LMTK2: variants seen among roughly 807,000 people sequenced by gnomAD.
LMTK2 encodes the protein lemur tail kinase 2.
Under a neutral mutation model 127.5 loss-of-function variants are expected in LMTK2, and 37 were observed. That is an observed-to-expected ratio of 0.29 (90% CI 0.22 to 0.38). The LOEUF (loss-of-function observed/expected upper bound fraction) is 0.38. Among genes scored for constraint, LMTK2 ranks in the 10% least tolerant of loss-of-function variants. LMTK2 has a pLI of 1.00. For synonymous variants in LMTK2, 819 were observed against 810.1 expected (o/e 1.01, Z -0.19); for missense variants, 1,694 against 1,920.3 (o/e 0.88, Z 2.20).
At chr7:98,187,673 G>A (rs118053463) in intron 9 of LMTK2, among the ~76,000 whole-genome samples, 41 of 125,728 alleles carry the variant, frequency 3.3e-4, no homozygotes, top group African/African-American at 1.0e-3. Context: ...GTGTAGTCTC[G>A]GCTCACGGCT....
chr7:98,198,933 T>A (rs1041866326), intron 11 of LMTK2, among the ~76,000 whole-genome samples: 10 of 152,154 alleles, frequency 6.6e-5, no homozygotes, highest in Non-Finnish European at 1.2e-4. Context: ...ACAAGTATAG[T>A]TTAATATATT....
intron 1 of LMTK2, among the ~76,000 whole-genome samples, chr7:98,114,796 A>G (rs1461651323): frequency 6.6e-6 from 1 of 151,730 alleles, no homozygotes; most frequent in Non-Finnish European, 1.5e-5. Flanking sequence ...CTCTCCATAT[A>G]TTCTCCCTGT....
chr7:98,175,035 A>G (rs1183926925), intron 7 of LMTK2, among the ~76,000 whole-genome samples: 2 of 152,182 alleles, frequency 1.3e-5, no homozygotes, highest in Non-Finnish European at 2.9e-5. Context: ...GGCAGGTGCC[A>G]TTATTCATCC....
At chr7:98,205,312 G>T in intron 13 of LMTK2, 152 bp from the exon 14 acceptor site, 1 of 868,168 alleles carries the variant, frequency 1.2e-6, no homozygotes, top group South Asian at 1.6e-5. Context: ...GGCTGCTTCC[G>T]AAGGAAAGGA....
chr7:98,205,721 T>G lies in LMTK2; in HGVS notation c.*229T>G, dbSNP rs1238085257. On this transcript the variant is annotated 3_prime_UTR_variant, in exon 14 of 14. Transcript: ENST00000297293. ...GGAGCCGGCGTCCCTCAGTGCCCCG[T>G]GCACCCGCGGCCGCGGCCTCCCAGG... is the stretch of plus-strand genomic sequence containing the variant. 29 of 590,388 alleles carry G rather than the reference T, an allele frequency of 4.9e-5. No individual in the cohort carries two copies. The East Asian group carries it at 8.2e-4, about 17-fold the overall frequency. 36.6% of individuals were successfully genotyped at this position (590,388 alleles called of 1,614,324 possible).
intron 7 of LMTK2, among the ~76,000 whole-genome samples, chr7:98,175,105 T>C (rs1797256347): frequency 6.6e-6 from 1 of 152,182 alleles, no homozygotes; most frequent in Non-Finnish European, 1.5e-5. Flanking sequence ...TCTCAGCCAC[T>C]CATTTGATCA....
chr7:98,118,156 C>T (rs1344919972), intron 1 of LMTK2, among the ~76,000 whole-genome samples: 3 of 152,138 alleles, frequency 2.0e-5, no homozygotes, highest in Non-Finnish European at 4.4e-5. Context: ...CATGTTTTCT[C>T]CCTGTCACTT....
chr7:98,203,615 G>A lies in LMTK2; in HGVS notation c.4149G>A (p.Ala1383=), dbSNP rs116216163. The A allele has an allele frequency of 2.0e-5, 33 of 1,610,286 alleles. No individual in the cohort carries two copies. The highest frequency in any genetic ancestry group is 2.5e-5 in the Non-Finnish European group (29 of 1,179,170). Residue 1383 remains alanine (A), a synonymous_variant, in exon 12 of 14, where the codon GCG becomes GCA. Transcript: ENST00000297293. ...AGCTGGGGCCCTGTGGAGGAGAGGCGTGCGGCCCGGACCTGAGCGGCCCAG... is the reference window on the plus strand; with the variant it reads ...AGCTGGGGCCCTGTGGAGGAGAGGCATGCGGCCCGGACCTGAGCGGCCCAG... The part of the protein sequence containing the change: ...TKELGPCGGE[A]CGPDLSGPAP...
intron 6 of LMTK2, among the ~76,000 whole-genome samples, chr7:98,170,255 C>A (rs1272416420): frequency 6.6e-6 from 1 of 152,122 alleles, no homozygotes; most frequent in African/African-American, 2.4e-5. Context: ...ACGCTTGGCT[C>A]AGGGCTCAAA....
At chr7:98,178,105 G>A (rs1003166115) in intron 7 of LMTK2, among the ~76,000 whole-genome samples, 1 of 152,170 alleles carries the variant, frequency 6.6e-6, no homozygotes, top group Admixed American at 6.5e-5. Flanking sequence ...ATAAAATGGG[G>A]ATCGTCTTTA....
In LMTK2 at chr7:98,194,248, C is replaced by T. The variant is rs150501122; in HGVS notation, c.3783C>T (p.Ile1261=). The stretch of plus-strand genomic sequence containing the variant: ...GCCCGAAGTTGAAGGAGCCGGACAT[C>T]GAAGGGAAGTACCTGGGGAAACTCG... ...SEGPKLKEPD[I]EGKYLGKLGV... is the part of the protein sequence containing the mutation. Residue 1261 remains isoleucine, a synonymous_variant, in exon 11 of 14, where the codon ATC becomes ATT. Coordinates refer to ENST00000297293, the MANE Select transcript of LMTK2 (RefSeq NM_014916.4). The surrounding 1 kb of genome is among the most constrained non-coding windows in gnomAD (Gnocchi z 5.4). The T allele has an allele frequency of 3.0e-5, 49 of 1,614,162 alleles. No individual in the cohort carries two copies. The African/African-American group carries it at 5.5e-4, about 18-fold the overall frequency.
Position 98,194,423 on chromosome 7 carries a change from A to G in LMTK2, c.3958A>G (p.Ile1320Val), listed in dbSNP as rs1383767884. Reference sequence around the variant, plus strand: ...GGACGAGACCGAGCACCCCGTGCCCATCATCCTCAGCAACGAGGACGGAAG... The same window carrying G: ...GGACGAGACCGAGCACCCCGTGCCCGTCATCCTCAGCAACGAGGACGGAAG... The part of the protein sequence containing the change: ...SEDETEHPVP[I>V]ILSNEDGRHL... The change falls in exon 11 of 14, where the codon ATC becomes GTC. Residue 1320 changes from isoleucine (I) to valine (V), a missense_variant. Ile to Val is a conservative substitution (Grantham distance 29, BLOSUM62 3). Coordinates refer to ENST00000297293, the MANE Select transcript of LMTK2 (RefSeq NM_014916.4). The surrounding 1 kb of genome is among the most constrained non-coding windows in gnomAD (Gnocchi z 5.4). 1 of 1,614,130 alleles carries G rather than the reference A, an allele frequency of 6.2e-7. No individual in the cohort carries two copies. The highest frequency in any genetic ancestry group is 1.6e-4 in the Middle Eastern group (1 of 6,062).
intron 13 of LMTK2, 37 bp downstream of exon 13, chr7:98,204,223 G>A: frequency 9.5e-7 from 1 of 1,052,024 alleles, no homozygotes; most frequent in Non-Finnish European, 1.5e-6. Flanking sequence ...GGGAGTGCAG[G>A]GTCGGGGGTG....
chr7:98,138,290 A>G (rs1041262999), intron 2 of LMTK2, among the ~76,000 whole-genome samples: 1 of 152,162 alleles, frequency 6.6e-6, no homozygotes, highest in Non-Finnish European at 1.5e-5. Flanking sequence ...AGGGAAAAAA[A>G]AGGTCGTCTT....
At position 98,193,368 on chromosome 7, in the gene LMTK2, T is replaced by G. The variant is rs1270912691; in HGVS notation, c.2903T>G (p.Leu968Arg). The change falls in exon 11 of 14, where the codon CTC becomes CGC. Residue 968 changes from leucine (L) to arginine (R), a missense_variant. Leu to Arg is a moderately radical substitution (Grantham distance 102). Coordinates refer to ENST00000297293, the MANE Select transcript of LMTK2 (RefSeq NM_014916.4). This position sits in a 1 kb window ranked among gnomAD's most constrained non-coding sequence, Gnocchi z 4.1. The part of the protein sequence containing the change: ...AAKEAGLVSA[L>R]SSDSTSQDSL... ...AAAGAAGCAGGCTTGGTGTCTGCCC[T>G]CTCCTCGGACTCAACCAGTCAGGAC... is the stretch of plus-strand genomic sequence containing the variant. 1 of 1,614,074 alleles carries G rather than the reference T, an allele frequency of 6.2e-7. No homozygotes were observed. The highest frequency in any genetic ancestry group is 1.3e-5 in the African/African-American group (1 of 74,992).
chr7:98,201,727 A>G (rs1797707597), intron 11 of LMTK2, among the ~76,000 whole-genome samples: 1 of 152,074 alleles, frequency 6.6e-6, no homozygotes, highest in African/African-American at 2.4e-5. Flanking sequence ...CTCCCTCCTC[A>G]GCCTCCTGAG....
chr7:98,112,197 T>C (rs1796209942), intron 1 of LMTK2, among the ~76,000 whole-genome samples: 1 of 151,948 alleles, frequency 6.6e-6, no homozygotes, highest in Non-Finnish European at 1.5e-5. Context: ...TTTCTCCCTC[T>C]CATTTTTCTT....
intron 6 of LMTK2, among the ~76,000 whole-genome samples, chr7:98,170,572 G>C (rs1041580932): frequency 6.7e-6 from 1 of 150,200 alleles, no homozygotes; most frequent in African/African-American, 2.5e-5. Context: ...CCCGCCTCCA[G>C]CCGTCTTTTC....
intron 13 of LMTK2, 104 bp from the exon 14 acceptor site, chr7:98,205,360 C>A: frequency 1.4e-6 from 2 of 1,412,718 alleles, no homozygotes; most frequent in Non-Finnish European, 9.9e-7. Flanking sequence ...GCTCAAAACA[C>A]CCGCTTCCGT....
Sources: allele counts gnomAD v4.1 joint callset (sites outside exome capture counted in the v4.1 genomes callset), GRCh38; gene constraint gnomAD v4.1.1; non-coding constraint Gnocchi (gnomAD v3.1); transcripts MANE v1.5; gene names NCBI Gene and HGNC (gene_info 2026-07-23, HGNC 2026-07-21).